Variants in TNRC6B observed in about 807,000 individuals in gnomAD.
TNRC6B encodes trinucleotide repeat-containing gene 6B protein.
A neutral mutation model predicts 203.6 loss-of-function variants in TNRC6B; 52 were observed. That is an observed-to-expected ratio of 0.26 (90% CI 0.20 to 0.32). The LOEUF (loss-of-function observed/expected upper bound fraction) is 0.32, where lower values mean the gene tolerates loss of function less well. Among genes scored for constraint, TNRC6B ranks in the 10% least tolerant of loss-of-function variants. The pLI, the probability that TNRC6B is intolerant of heterozygous loss-of-function variation, is 1.00. For missense variants in TNRC6B, 1,923 were observed against 2,286.2 expected, an observed-to-expected ratio of 0.84 and a Z score of 3.24; for synonymous variants, 838 against 845.7, an observed-to-expected ratio of 0.99 and a Z score of 0.16.
rs1447434377 is a variant in TNRC6B, at chr22:40,270,255, C to T, written c.2940C>T (p.Ala980=). Residue 980 remains alanine, a synonymous_variant, in exon 6 of 23, where the codon GCC becomes GCT. Transcript: ENST00000454349. ...ASTTGWGNTP[A]NAPNAMKPNS... The stretch of plus-strand genomic sequence containing the variant: ...CCACAGGCTGGGGGAACACGCCCGC[C>T]AACGCTCCCAATGCCATGAAGCCTA... 67 of 1,475,688 alleles carry T rather than the reference C, an allele frequency of 4.5e-5. 1 individual carries two copies. Among genetic ancestry groups the T allele is most frequent in the Non-Finnish European group, 5.8e-5 (64 of 1,107,142 alleles). The allele number at this position is 1,475,688 out of a possible 1,614,324, so 91.4% of individuals were successfully genotyped here.
intron 1 of TNRC6B, among the ~76,000 whole-genome samples, chr22:40,055,259 G>A (rs1480176355): frequency 6.6e-6 from 1 of 152,172 alleles, no homozygotes; most frequent in Non-Finnish European, 1.5e-5. Context: ...CAGTACAAGA[G>A]GTGCTGCGGG....
At chr22:40,112,617 G>C (rs1261454506) in intron 1 of TNRC6B, among the ~76,000 whole-genome samples, 1 of 152,156 alleles carries the variant, frequency 6.6e-6, no homozygotes, top group Non-Finnish European at 1.5e-5. Flanking sequence ...AGGTGGTTCT[G>C]CTTCGGATTT....
chr22:40,283,323 C>T (rs981430277), intron 11 of TNRC6B, among the ~76,000 whole-genome samples: 3 of 152,204 alleles, frequency 2.0e-5, no homozygotes, highest in Non-Finnish European at 4.4e-5. Flanking sequence ...CAGGCGTGAG[C>T]CACCGTGCCC....
intron 6 of TNRC6B, among the ~76,000 whole-genome samples, chr22:40,272,821 ACATTT>A (rs1320001474): frequency 2.6e-5 from 4 of 152,180 alleles, no homozygotes; most frequent in Non-Finnish European, 5.9e-5. Context: ...AGTATCTAAT[ACATTT>A]CAAGTGTGTA....
chr22:40,104,180 G>A (rs573561657), intron 1 of TNRC6B, among the ~76,000 whole-genome samples: 7 of 152,160 alleles, frequency 4.6e-5, no homozygotes, highest in Non-Finnish European at 1.0e-4. Flanking sequence ...GAACTCAGGA[G>A]GTGGAGGCTG....
At chr22:40,225,728 G>C (rs2069774600) in intron 1 of TNRC6B, among the ~76,000 whole-genome samples, 1 of 119,906 alleles carries the variant, frequency 8.3e-6, no homozygotes, top group Admixed American at 1.2e-4. Context: ...GAGCGACAGA[G>C]TGAGACTCCG....
At chr22:40,165,916 G>C (rs1298835073) in intron 4 of TNRC6B, among the ~76,000 whole-genome samples, 1 of 152,106 alleles carries the variant, frequency 6.6e-6, no homozygotes, top group Non-Finnish European at 1.5e-5. Flanking sequence ...ATTTGTGTGG[G>C]GACACAGCCA....
chr22:40,236,769 G>A (rs1315428760), intron 1 of TNRC6B, among the ~76,000 whole-genome samples: 1 of 152,164 alleles, frequency 6.6e-6, no homozygotes, highest in Non-Finnish European at 1.5e-5. Flanking sequence ...ATATGTTCAA[G>A]TGTGAAATTG....
Position 40,106,361 on chromosome 22 carries a change from G to A in TNRC6B, c.-120-10694G>A, listed in dbSNP as rs16987664. The A allele has an allele frequency of 0.014, 16,260 of 1,174,834 alleles. 1,233 individuals are homozygous for A. In the African/African-American group the frequency reaches 0.19, roughly 14 times the overall value. The allele number at this position is 1,174,834 out of a possible 1,614,324, so 72.8% of individuals were successfully genotyped here. A position where few individuals can be genotyped will look rare whatever the true frequency, so the allele number is the denominator to read the frequency against. On this transcript the variant is annotated intron_variant, in intron 1 of 23. Coordinates refer to the TNRC6B transcript ENST00000301923. ...TAAGCCTGTTGATCTGGTCCTTCTT[G>A]TTGCCAGCATCTCCACCTTCTACAA...
Position 40,265,272 on chromosome 22 carries a change from T to G in TNRC6B, c.1042T>G (p.Ser348Ala). 1 of 1,613,948 alleles carries G rather than the reference T, an allele frequency of 6.2e-7. No individual in the cohort carries two copies. Among genetic ancestry groups the G allele is most frequent in the Non-Finnish European group, 8.5e-7 (1 of 1,179,894 alleles). The change falls in exon 5 of 23, where the codon TCA (serine) becomes GCA (alanine). Residue 348 changes from serine (S) to alanine (A), a missense_variant. Physicochemically the swap from Ser to Ala is moderately conservative, Grantham distance 99. This residue lies in a region of TNRC6B where 614 missense variants were observed against 587.7 expected (regional missense o/e 1.04). Transcript: ENST00000454349. The part of the protein sequence containing the change: ...TVGQTSREQQ[S>A]KMENAGVNFV... ...AGGTCAGACATCCAGGGAACAGCAG[T>G]CAAAGATGGAAAATGCGGGTGTTAA... is the stretch of plus-strand genomic sequence containing the variant.
chr22:40,300,660 C>A, intron 13 of TNRC6B, 74 bp downstream of exon 13: 1 of 1,529,998 alleles, frequency 6.5e-7, no homozygotes, highest in Non-Finnish European at 8.8e-7. Flanking sequence ...TGATTTGCTT[C>A]CCACATCTTT....
chr22:40,293,545 C>G (rs1339592025), intron 12 of TNRC6B, among the ~76,000 whole-genome samples: 1 of 148,380 alleles, frequency 6.7e-6, no homozygotes, highest in African/African-American at 2.5e-5. Flanking sequence ...GATGGTACTG[C>G]TGGGTCACGG....
chr22:40,265,525 C>A lies in TNRC6B; in HGVS notation c.1295C>A (p.Ser432Tyr). The change falls in exon 5 of 23, where the codon TCT (serine) becomes TAT (tyrosine). Residue 432 changes from serine (S) to tyrosine (Y), a missense_variant. Ser to Tyr is a moderately radical substitution (Grantham distance 144). Around this residue, in one of 8 missense-constraint regions of TNRC6B, gnomAD observed 614 missense variants for 587.7 expected, o/e 1.04. Coordinates refer to ENST00000454349, the MANE Select transcript of TNRC6B (RefSeq NM_001162501.2). ...VGSWGAARGPSGTDTVSGQSN... is the reference protein window; with the variant it reads ...VGSWGAARGPYGTDTVSGQSN... ...TCTTGGGGTGCAGCTAGGGGGCCTT[C>A]TGGAACTGACACAGTCTCTGGACAA... The A allele has an allele frequency of 2.5e-6, 4 of 1,613,854 alleles. No homozygotes were observed. Among genetic ancestry groups the A allele is most frequent in the Non-Finnish European group, 3.4e-6 (4 of 1,179,864 alleles).
At chr22:40,082,081 A>G (rs553310173) in intron 1 of TNRC6B, among the ~76,000 whole-genome samples, 75 of 152,302 alleles carry the variant, frequency 4.9e-4, no homozygotes, top group Non-Finnish European at 7.8e-4. Flanking sequence ...TGATGCTTAC[A>G]GTAGAGCCGG....
chr22:40,300,520 G>A lies in TNRC6B; in HGVS notation c.3774G>A (p.Gly1258=), dbSNP rs776979893. 1.9e-6 allele frequency: 3 copies of A among 1,613,154 alleles called. No individual in the cohort carries two copies. Among genetic ancestry groups the A allele is most frequent in the East Asian group, 4.5e-5 (2 of 44,860 alleles). ...SGLSPGLFNV[G]PQLSPQQIAM... ...TGAGTCCAGGTCTTTTCAATGTGGG[G>A]CCCCAGTTATCTCCTCAACAAATTG... Residue 1258 remains glycine (G), a synonymous_variant, in exon 13 of 23, where the codon GGG becomes GGA. Transcript: ENST00000454349.
At chr22:40,145,722 G>C (rs139351808) in intron 3 of TNRC6B, among the ~76,000 whole-genome samples, 155 of 152,118 alleles carry the variant, frequency 1.0e-3, no homozygotes, top group African/African-American at 3.6e-3. Context: ...CCCTCCTGTA[G>C]TCCCAGCTAC....
intron 1 of TNRC6B, among the ~76,000 whole-genome samples, chr22:40,087,524 A>C (rs530162064): frequency 1.5e-4 from 23 of 152,314 alleles, no homozygotes; most frequent in African/African-American, 5.5e-4. Context: ...AATTCCAAAC[A>C]CTGGTAAGTG....
chr22:40,163,296 T>A (rs888656918), intron 4 of TNRC6B, among the ~76,000 whole-genome samples: 1 of 147,228 alleles, frequency 6.8e-6, no homozygotes, highest in Admixed American at 6.9e-5. Flanking sequence ...TGCCGGTAGT[T>A]CCAGCTTCTC....
At chr22:40,059,325 C>A (rs528230688) in intron 1 of TNRC6B, among the ~76,000 whole-genome samples, 5 of 152,162 alleles carry the variant, frequency 3.3e-5, no homozygotes, top group African/African-American at 1.2e-4. Context: ...TAATGAATTA[C>A]GTAGACTTTG....
Sources: allele counts gnomAD v4.1 joint callset (sites outside exome capture counted in the v4.1 genomes callset), GRCh38; gene constraint gnomAD v4.1.1; regional missense constraint gnomAD v4.1.1; transcripts MANE v1.5; gene names NCBI Gene and HGNC (gene_info 2026-07-23, HGNC 2026-07-21).